The following ABCC4 variants were observed in gnomAD, a reference collection of about 807,000 sequenced individuals.
ABCC4 encodes ATP binding cassette subfamily C member 4 (PEL blood group), also known as ATP-binding cassette sub-family C member 4.
ABCC4 carries 102 observed loss-of-function variants against 168.5 expected under a neutral mutation model. The observed-to-expected ratio is 0.61, with a 90% CI of 0.52 to 0.71. ABCC4 has a LOEUF of 0.71. ABCC4 is among the 30% of genes least tolerant of loss of function. ABCC4 has a pLI of 0.00. For missense variants in ABCC4, 1,402 were observed against 1,605.8 expected, an observed-to-expected ratio of 0.87 and a Z score of 2.17; for synonymous variants, 617 against 590.7, an observed-to-expected ratio of 1.04 and a Z score of -0.65.
intron 30 of ABCC4, 150 bp downstream of exon 30, chr13:95,034,455 G>C: frequency 8.3e-7 from 1 of 1,197,782 alleles, no homozygotes; most frequent in Non-Finnish European, 1.1e-6. Context: ...AACCCGGGAC[G>C]TGCCGTTAAG....
chr13:95,156,441 A>C (rs1258447458), intron 19 of ABCC4, among the ~76,000 whole-genome samples: 3 of 152,212 alleles, frequency 2.0e-5, no homozygotes. Flanking sequence ...AATTCTGCCC[A>C]TGCCAGGAAA....
At chr13:95,074,099 C>T (rs1566393717) in intron 23 of ABCC4, 115 bp downstream of exon 23, 8 of 793,616 alleles carry the variant, frequency 1.0e-5, no homozygotes, top group Non-Finnish European at 1.6e-5. Flanking sequence ...ATTTAATACA[C>T]TTCATTAGGA....
chr13:95,110,493 T>G (rs1382510653), intron 20 of ABCC4, among the ~76,000 whole-genome samples: 4 of 152,164 alleles, frequency 2.6e-5, no homozygotes, highest in Admixed American at 6.6e-5. Context: ...AAATTTGCAC[T>G]ATTAAAATTG....
chr13:95,163,356 T>A lies in ABCC4; in HGVS notation c.2214-140A>T, dbSNP rs9282568. On this transcript the variant is annotated intron_variant, in intron 17 of 30. Transcript: ENST00000645237. Reference sequence around the variant, plus strand: ...CAGCTCACTTAGTCTTGTGTATATCTACCTTATAAAAATTCAATTTAAATC... The same window carrying A: ...CAGCTCACTTAGTCTTGTGTATATCAACCTTATAAAAATTCAATTTAAATC... 1.2e-4 allele frequency: 78 copies of A among 675,454 alleles called. No homozygotes were observed. In the Admixed American group the frequency reaches 1.7e-3, roughly 15 times the overall value. The allele number at this position is 675,454 out of a possible 1,614,324, so 41.8% of individuals were successfully genotyped here. A position where few individuals can be genotyped will look rare whatever the true frequency, so the allele number is the denominator to read the frequency against.
intron 19 of ABCC4, among the ~76,000 whole-genome samples, chr13:95,130,782 A>T (rs2035932676): frequency 6.6e-6 from 1 of 152,218 alleles, no homozygotes; most frequent in South Asian, 2.1e-4. Flanking sequence ...AACACAGCTG[A>T]CAATTACCAA....
intron 10 of ABCC4, among the ~76,000 whole-genome samples, chr13:95,187,643 A>G (rs2038111460): frequency 6.6e-6 from 1 of 152,244 alleles, no homozygotes; most frequent in Admixed American, 6.5e-5. Context: ...AAATGAATGA[A>G]TAAATAAAAA....
chr13:95,167,108 C>CG (rs2037302153), intron 14 of ABCC4, among the ~76,000 whole-genome samples: 1 of 151,772 alleles, frequency 6.6e-6, no homozygotes, highest in African/African-American at 2.4e-5. Flanking sequence ...ACCCAGAAGG[C>CG]GGAGGTTGCA....
chr13:95,175,461 C>T (rs1426345378), intron 13 of ABCC4, among the ~76,000 whole-genome samples: 6 of 152,086 alleles, frequency 3.9e-5, no homozygotes, highest in East Asian at 3.9e-4. Flanking sequence ...TACAGGCACC[C>T]GCCACCATCC....
At position 95,151,626 on chromosome 13, in the gene ABCC4, A is replaced by AAGAAGGAGG. The variant is rs1319885399; in HGVS notation, c.2455+9554_2455+9562dup. Among the ~76,000 whole-genome samples the AAGAAGGAGG allele has an allele frequency of 4.4e-3, 648 of 147,496 alleles. 3 individuals are homozygous for AAGAAGGAGG. Among genetic ancestry groups the AAGAAGGAGG allele is most frequent in the African/African-American group, 0.016 (602 of 38,106 alleles). On this transcript the variant is annotated intron_variant, in intron 19 of 30. Coordinates refer to ENST00000645237, the MANE Select transcript of ABCC4 (RefSeq NM_005845.5). ...GGAGAAGGAGAAGGAGAAGAAGGAG[A>AAGAAGGAGG]AGAAGGAGGAGAAGGAGAAGAAGGA...
At chr13:95,277,708 C>T (rs549790997) in intron 1 of ABCC4, among the ~76,000 whole-genome samples, 3 of 152,212 alleles carry the variant, frequency 2.0e-5, no homozygotes, top group South Asian at 4.1e-4. Context: ...GCAGGGTCAA[C>T]AAGTTCCAAG....
At chr13:95,145,616 CAAAAA>C (rs1233444198) in intron 19 of ABCC4, among the ~76,000 whole-genome samples, 4 of 97,062 alleles carry the variant, frequency 4.1e-5, no homozygotes, top group Admixed American at 2.2e-4. Context: ...ACCCCATCTC[CAAAAA>C]AAAAAAAAAA....
chr13:95,166,085 A>G lies in ABCC4; in HGVS notation c.2034+73T>C. The G allele has an allele frequency of 8.4e-6, 11 of 1,314,534 alleles. No homozygotes were observed. In the South Asian group the frequency reaches 1.3e-4, roughly 16 times the overall value. 81.4% of individuals were successfully genotyped at this position (1,314,534 alleles called of 1,614,324 possible). A position where few individuals can be genotyped will look rare whatever the true frequency, so the allele number is the denominator to read the frequency against. ...GGACAAAAGATGAAGCTTTGAACAGAGTAGACCAAAGATCCATAAGGCCAT... is the reference window on the plus strand; with the variant it reads ...GGACAAAAGATGAAGCTTTGAACAGGGTAGACCAAAGATCCATAAGGCCAT... On this transcript the variant is annotated intron_variant, in intron 15 of 30. Transcript: ENST00000645237.
chr13:95,034,545 A>T, intron 30 of ABCC4, 60 bp downstream of exon 30: 1 of 1,574,184 alleles, frequency 6.4e-7, no homozygotes, highest in African/African-American at 1.4e-5. Context: ...CATGGTGCCA[A>T]ATTGTGCGGA....
chr13:95,241,284 G>C (rs762139753), intron 3 of ABCC4, among the ~76,000 whole-genome samples: 72 of 150,918 alleles, frequency 4.8e-4, no homozygotes, highest in Non-Finnish European at 8.0e-4. Context: ...AGAATCACTT[G>C]AACCTGGGAG....
At chr13:95,238,778 G>A (rs549717819) in intron 3 of ABCC4, among the ~76,000 whole-genome samples, 10 of 152,094 alleles carry the variant, frequency 6.6e-5, no homozygotes, top group Non-Finnish European at 1.0e-4. Flanking sequence ...GGCTGGTCTC[G>A]AACTCCTGAC....
At chr13:95,156,830 C>G (rs146234537) in intron 19 of ABCC4, among the ~76,000 whole-genome samples, 1 of 152,070 alleles carries the variant, frequency 6.6e-6, no homozygotes, top group Non-Finnish European at 1.5e-5. Context: ...CGGTAGCTCA[C>G]GCCTGTAATC....
At chr13:95,099,971 T>G (rs1729761) in intron 20 of ABCC4, among the ~76,000 whole-genome samples, 67,688 of 152,020 alleles carry the variant, frequency 0.45, 16,973 homozygotes, top group South Asian at 0.68. Context: ...AGTCCAAACC[T>G]TTTTTTGTTC....
chr13:95,100,321 G>C (rs2034752290), intron 20 of ABCC4, among the ~76,000 whole-genome samples: 1 of 152,064 alleles, frequency 6.6e-6, no homozygotes, highest in Non-Finnish European at 1.5e-5. Context: ...ATTATCATTG[G>C]AACACACATG....
chr13:95,117,333 CG>C (rs1329831189), intron 19 of ABCC4, among the ~76,000 whole-genome samples: 1 of 151,554 alleles, frequency 6.6e-6, no homozygotes, highest in African/African-American at 2.4e-5. Context: ...CAAAAAGGTG[CG>C]ATGATGACTA....
Sources: gnomAD v4.1 joint callset for allele counts (sites outside exome capture counted in the v4.1 genomes callset) on GRCh38, gnomAD v4.1.1 for gene constraint, MANE v1.5 for transcripts, NCBI Gene and HGNC (gene_info 2026-07-23, HGNC 2026-07-21) for gene names.